The following SLC15A5 variants were observed in gnomAD, a reference collection of about 807,000 sequenced individuals.
The protein encoded by SLC15A5 is solute carrier family 15 member 5, also known as Peptide/histidine transporter ENSP00000340402.
Under a neutral mutation model 56.1 loss-of-function variants are expected in SLC15A5, and 58 were observed. The observed-to-expected ratio is 1.03, with a 90% CI of 0.84 to 1.29. The LOEUF (loss-of-function observed/expected upper bound fraction) is 1.29. Among genes scored for constraint, SLC15A5 ranks in the 50% most tolerant of loss-of-function variants. The pLI is 0.00. For missense variants in SLC15A5, 681 were observed against 672.1 expected (o/e 1.01, Z -0.15); for synonymous variants, 264 against 250.5 (o/e 1.05, Z -0.51).
At chr12:16,275,617 C>T (rs1426603295) in intron 1 of SLC15A5, among the ~76,000 whole-genome samples, 3 of 151,844 alleles carry the variant, frequency 2.0e-5, no homozygotes, top group African/African-American at 4.8e-5. Context: ...TATATATAAC[C>T]TCTGAAATTT....
chr12:16,199,759 A>G (rs750771759), intron 7 of SLC15A5, among the ~76,000 whole-genome samples: 6 of 152,162 alleles, frequency 3.9e-5, no homozygotes, highest in Non-Finnish European at 8.8e-5. Flanking sequence ...TTAAAATAAT[A>G]AAAGAAGTAA....
intron 4 of SLC15A5, among the ~76,000 whole-genome samples, chr12:16,241,914 G>T (rs7298878): frequency 0.44 from 66,718 of 151,910 alleles, 14,828 homozygotes; most frequent in South Asian, 0.61. Context: ...AGGCTGCAGT[G>T]TCTTGAAAGC....
rs1352895447 is a variant in SLC15A5 at position 16,277,373 on chromosome 12, A to G, written c.313T>C (p.Leu105=). ...VFVRWLTDVY[L]GRNKLVYICL... Reference sequence around the variant, plus strand: ...ATGTACACCAGTTTGTTTCTTCCTAAATAGACATCAGTGAGCCATCTGACA... The same window carrying G: ...ATGTACACCAGTTTGTTTCTTCCTAGATAGACATCAGTGAGCCATCTGACA... The change falls in exon 1 of 9, where the codon TTA becomes CTA. Residue 105 remains leucine (L), a synonymous_variant. Coordinates refer to ENST00000344941, the MANE Select transcript of SLC15A5 (RefSeq NM_001170798.1). 2 of 1,536,096 alleles carry G rather than the reference A, an allele frequency of 1.3e-6. No individual in the cohort carries two copies. Among genetic ancestry groups the G allele is most frequent in the South Asian group, 2.4e-5 (2 of 83,946 alleles).
Position 16,207,136 on chromosome 12 carries a change from TATTA to T in SLC15A5, c.1483+9753_1483+9756del, listed in dbSNP as rs747733222. On this transcript the variant is annotated intron_variant, in intron 7 of 8. Coordinates refer to ENST00000344941, the MANE Select transcript of SLC15A5 (RefSeq NM_001170798.1). ...TCAAATATTTCTATAAGGTTCTTCT[TATTA>T]ATTAAACATCAGACTTGATATTATT... 4.6e-5 allele frequency among the ~76,000 whole-genome samples: 7 copies of T among 152,360 alleles called. No homozygotes were observed. The East Asian group carries it at 1.3e-3, about 29-fold the overall frequency.
rs1864346445 is a variant in SLC15A5, at chr12:16,235,667, G to GGTA, written c.1162+4013_1162+4014insTAC. Among the ~76,000 whole-genome samples, 1 of 152,116 alleles carries GGTA rather than the reference G, an allele frequency of 6.6e-6. No individual in the cohort carries two copies. The highest frequency in any genetic ancestry group is 6.6e-5 in the Admixed American group (1 of 15,262). On this transcript the variant is annotated intron_variant, in intron 5 of 8. Transcript: ENST00000344941. This position sits in a 1 kb window ranked among gnomAD's most constrained non-coding sequence, Gnocchi z 4.1. ...ATGGTTTACTTCTTTTGGTGTTTAC[G>GGTA]CAGTTCCTCCTATCAAGTATTTTAC...
chr12:16,251,253 A>T (rs527293340), intron 3 of SLC15A5, among the ~76,000 whole-genome samples: 1 of 151,998 alleles, frequency 6.6e-6, no homozygotes, highest in South Asian at 2.1e-4. Context: ...AATGATCTCA[A>T]ATCAATAACT....
chr12:16,191,729 A>G (rs1011165118), intron 8 of SLC15A5, among the ~76,000 whole-genome samples: 1 of 152,080 alleles, frequency 6.6e-6, no homozygotes, highest in Non-Finnish European at 1.5e-5. Flanking sequence ...TGTCTTGCTT[A>G]ACTCTTCTGA....
chr12:16,239,600 T>C, intron 5 of SLC15A5, 81 bp downstream of exon 5: 2 of 1,341,448 alleles, frequency 1.5e-6, no homozygotes, highest in Non-Finnish European at 2.0e-6. Flanking sequence ...CTCAGGAGCA[T>C]ATAGCTAGTT....
chr12:16,277,129 A>AACACACAC (rs59004314), intron 1 of SLC15A5, among the ~76,000 whole-genome samples, 196 bp downstream of exon 1: 328 of 150,266 alleles, frequency 2.2e-3, no homozygotes, highest in Middle Eastern at 0.01. Context: ...AACATTCTCT[A>AACACACAC]ACACACACAC....
intron 7 of SLC15A5, among the ~76,000 whole-genome samples, chr12:16,207,357 C>T (rs1356972588): frequency 1.3e-5 from 2 of 152,144 alleles, no homozygotes; most frequent in African/African-American, 4.8e-5. Context: ...ATTTGCAACT[C>T]TACTAATAGC....
intron 6 of SLC15A5, among the ~76,000 whole-genome samples, chr12:16,219,890 G>A (rs543147107): frequency 6.6e-6 from 1 of 152,198 alleles, no homozygotes; most frequent in East Asian, 1.9e-4. Context: ...CGTGAAAGCT[G>A]GTCTTCTTGC....
intron 7 of SLC15A5, among the ~76,000 whole-genome samples, chr12:16,199,371 C>T (rs1863928645): frequency 6.7e-6 from 1 of 150,212 alleles, no homozygotes; most frequent in Non-Finnish European, 1.5e-5. Flanking sequence ...GTAAGAGACA[C>T]CCCCAGGTCA....
chr12:16,216,795 A>C, intron 7 of SLC15A5, 98 bp downstream of exon 7: 2 of 1,051,854 alleles, frequency 1.9e-6, no homozygotes, highest in East Asian at 5.4e-5. Context: ...TCAATTAAAA[A>C]AAGACTGCAC....
intron 3 of SLC15A5, among the ~76,000 whole-genome samples, chr12:16,248,331 G>A (rs1424149760): frequency 6.6e-6 from 1 of 152,084 alleles, no homozygotes; most frequent in East Asian, 1.9e-4. Context: ...ATTAGTTAAG[G>A]AAAGAGGGCA....
intron 2 of SLC15A5, among the ~76,000 whole-genome samples, chr12:16,266,064 T>C (rs777340800): frequency 6.6e-6 from 1 of 152,192 alleles, no homozygotes; most frequent in Non-Finnish European, 1.5e-5. Flanking sequence ...ACATGGAACG[T>C]GACCACATTG....
chr12:16,207,449 CTTTAA>C (rs66747235), intron 7 of SLC15A5, among the ~76,000 whole-genome samples: 79,327 of 151,196 alleles, frequency 0.52, 21,168 homozygotes, highest in South Asian at 0.73. Flanking sequence ...CCCCAAATTA[CTTTAA>C]TTTAAGAGTA....
intron 1 of SLC15A5, among the ~76,000 whole-genome samples, chr12:16,273,315 TTCTTATTTC>T (rs1457465044): frequency 6.6e-6 from 1 of 152,014 alleles, no homozygotes; most frequent in African/African-American, 2.4e-5. Flanking sequence ...TGTAATGTCT[TTCTTATTTC>T]TCTTATTTCT....
At chr12:16,199,812 CAA>C (rs962988117) in intron 7 of SLC15A5, among the ~76,000 whole-genome samples, 3 of 152,022 alleles carry the variant, frequency 2.0e-5, no homozygotes, top group African/African-American at 7.2e-5. Flanking sequence ...GGATGCAGTG[CAA>C]CCTGCCTGAC....
At chr12:16,215,225 A>C (rs892399435) in intron 7 of SLC15A5, among the ~76,000 whole-genome samples, 9 of 146,418 alleles carry the variant, frequency 6.1e-5, no homozygotes, top group South Asian at 2.3e-4. Context: ...AAAAAAAAAA[A>C]AAAACCAAAG....
Sources: allele counts gnomAD v4.1 joint callset (sites outside exome capture counted in the v4.1 genomes callset), GRCh38; gene constraint gnomAD v4.1.1; non-coding constraint Gnocchi (gnomAD v3.1); transcripts MANE v1.5; gene names NCBI Gene and HGNC (gene_info 2026-07-23, HGNC 2026-07-21).